The following ERC2 variants were observed in gnomAD, a reference collection of about 807,000 sequenced individuals.
ERC2 encodes the protein ERC protein 2.
In ERC2, 42 loss-of-function variants were observed where a neutral mutation model predicts 114.8. The observed-to-expected ratio is 0.37, with a 90% CI of 0.29 to 0.47. ERC2 has a LOEUF of 0.47. ERC2 is among the 20% of genes least tolerant of loss of function. The probability of loss-of-function intolerance (pLI) is 0.99; values close to 1 mark genes in which losing one functional copy is unlikely to be tolerated. For synonymous variants in ERC2, 454 were observed against 425.5 expected, an observed-to-expected ratio of 1.07 and a Z score of -0.82; for missense variants, 939 against 1,150.7, an observed-to-expected ratio of 0.82 and a Z score of 2.66.
At chr3:56,410,665 T>C (rs1308610336) in intron 2 of ERC2, among the ~76,000 whole-genome samples, 1 of 152,188 alleles carries the variant, frequency 6.6e-6, no homozygotes, top group Non-Finnish European at 1.5e-5. Flanking sequence ...GGTGTTTGTT[T>C]GGTTTTGAGA....
At chr3:55,562,344 G>T (rs981163222) in intron 17 of ERC2, among the ~76,000 whole-genome samples, 3 of 151,856 alleles carry the variant, frequency 2.0e-5, no homozygotes, top group African/African-American at 7.3e-5. Flanking sequence ...GTAGAGACGG[G>T]GTTTCACCAT....
chr3:55,544,882 G>A (rs2054635555), intron 17 of ERC2, among the ~76,000 whole-genome samples: 1 of 152,182 alleles, frequency 6.6e-6, no homozygotes, highest in South Asian at 2.1e-4. Flanking sequence ...CTCACAAAGT[G>A]TAAATTCTTT....
At chr3:55,788,840 C>T (rs751274873) in intron 14 of ERC2, among the ~76,000 whole-genome samples, 3 of 152,162 alleles carry the variant, frequency 2.0e-5, no homozygotes, top group African/African-American at 2.4e-5. Flanking sequence ...ACATCATAAA[C>T]GGATAGCTCC....
chr3:56,013,005 T>A (rs563794458), intron 8 of ERC2, among the ~76,000 whole-genome samples: 9 of 152,338 alleles, frequency 5.9e-5, no homozygotes, highest in African/African-American at 2.2e-4. Flanking sequence ...AGCTCCACTA[T>A]CTGGCTTTCT....
chr3:55,956,906 C>T (rs1284671866), intron 12 of ERC2, among the ~76,000 whole-genome samples: 1 of 151,146 alleles, frequency 6.6e-6, no homozygotes. Context: ...GAGGTGAGTA[C>T]CATCGCGCAT....
At chr3:55,955,941 C>T (rs1375553116) in intron 12 of ERC2, among the ~76,000 whole-genome samples, 1 of 152,206 alleles carries the variant, frequency 6.6e-6, no homozygotes, top group African/African-American at 2.4e-5. Flanking sequence ...TGTGCCTAAG[C>T]TTCCTCACAT....
At chr3:55,836,181 A>G (rs1450497702) in intron 14 of ERC2, among the ~76,000 whole-genome samples, 2 of 152,172 alleles carry the variant, frequency 1.3e-5, no homozygotes, top group Admixed American at 6.5e-5. Context: ...ATACTGCCCA[A>G]GGTAATTTAT....
chr3:56,305,247 C>T (rs912103285), intron 2 of ERC2, among the ~76,000 whole-genome samples: 2 of 151,778 alleles, frequency 1.3e-5, no homozygotes, highest in African/African-American at 4.8e-5. Flanking sequence ...AAAAACAATC[C>T]ACAGTTGAGA....
intron 7 of ERC2, among the ~76,000 whole-genome samples, chr3:56,062,628 A>G (rs2076291848): frequency 6.6e-6 from 1 of 152,214 alleles, no homozygotes; most frequent in Non-Finnish European, 1.5e-5. Context: ...CTATCGTTTC[A>G]GCACAACCCA....
At chr3:55,899,694 C>G (rs1413601254) in intron 13 of ERC2, among the ~76,000 whole-genome samples, 1 of 152,270 alleles carries the variant, frequency 6.6e-6, no homozygotes, top group Non-Finnish European at 1.5e-5. Context: ...AGATACAATA[C>G]AATCTCAACT....
intron 14 of ERC2, among the ~76,000 whole-genome samples, chr3:55,880,113 G>T (rs1240005517): frequency 6.6e-6 from 1 of 152,160 alleles, no homozygotes; most frequent in Non-Finnish European, 1.5e-5. Context: ...TCTTTCTCGT[G>T]CCTCCTTTCT....
At chr3:56,264,751 C>A (rs1349097704) in intron 3 of ERC2, among the ~76,000 whole-genome samples, 1 of 147,468 alleles carries the variant, frequency 6.8e-6, no homozygotes, top group Non-Finnish European at 1.5e-5. Context: ...TAGATGAATT[C>A]AGTAAAGTTG....
intron 13 of ERC2, among the ~76,000 whole-genome samples, chr3:55,914,533 C>G (rs2064989455): frequency 6.6e-6 from 1 of 152,140 alleles, no homozygotes; most frequent in East Asian, 1.9e-4. Context: ...GATACACATA[C>G]AACTTGATTC....
At chr3:56,401,335 A>T (rs527736483) in intron 2 of ERC2, among the ~76,000 whole-genome samples, 60 of 152,310 alleles carry the variant, frequency 3.9e-4, no homozygotes, top group African/African-American at 1.4e-3. Flanking sequence ...GTTGACTTAA[A>T]CCCAAATTCC....
At chr3:56,374,450 C>G (rs1418113381) in intron 2 of ERC2, among the ~76,000 whole-genome samples, 2 of 152,114 alleles carry the variant, frequency 1.3e-5, no homozygotes, top group African/African-American at 4.8e-5. Context: ...ATATGTATTA[C>G]TTATTACACT....
At chr3:55,996,031 T>G (rs1207081479) in intron 10 of ERC2, among the ~76,000 whole-genome samples, 2 of 152,212 alleles carry the variant, frequency 1.3e-5, no homozygotes, top group Non-Finnish European at 2.9e-5. Flanking sequence ...CAGACTTGGA[T>G]CTATCATACT....
intron 15 of ERC2, among the ~76,000 whole-genome samples, chr3:55,722,540 T>C (rs557036275): frequency 9.5e-4 from 145 of 152,342 alleles, no homozygotes; most frequent in Middle Eastern, 3.4e-3. Flanking sequence ...GTATTTATTA[T>C]CGTGCAACAT....
chr3:56,251,222 C>A (rs954903512), intron 3 of ERC2, among the ~76,000 whole-genome samples: 2 of 152,224 alleles, frequency 1.3e-5, no homozygotes, highest in African/African-American at 4.8e-5. Context: ...ATCAACAGAA[C>A]AACCCAAATG....
At chr3:55,878,219 A>G (rs930187520) in intron 14 of ERC2, among the ~76,000 whole-genome samples, 2 of 152,202 alleles carry the variant, frequency 1.3e-5, no homozygotes, top group Non-Finnish European at 2.9e-5. Context: ...AGCTCAGAAA[A>G]TGTTTGTATT....
Sources: gnomAD v4.1 joint callset for allele counts (sites outside exome capture counted in the v4.1 genomes callset) on GRCh38, gnomAD v4.1.1 for gene constraint, MANE v1.5 for transcripts, NCBI Gene and HGNC (gene_info 2026-07-23, HGNC 2026-07-21) for gene names.